Variants in IL34 observed in about 807,000 individuals in gnomAD.
The protein encoded by IL34 is interleukin-34.
Under a neutral mutation model 25.3 loss-of-function variants are expected in IL34, and 17 were observed. The observed-to-expected ratio is 0.67, with a 90% CI of 0.46 to 1.01. IL34 has a LOEUF of 1.01. Ranked by LOEUF, IL34 falls within the 50% of genes least tolerant of loss-of-function variation. The pLI, the probability that IL34 is intolerant of heterozygous loss-of-function variation, is 0.00. For missense variants in IL34, 368 were observed against 312.9 expected (o/e 1.18, Z -1.33); for synonymous variants, 174 against 140.9 (o/e 1.23, Z -1.66).
chr16:70,609,930 G>A (rs1365460494), intron 1 of IL34, among the ~76,000 whole-genome samples: 1 of 152,196 alleles, frequency 6.6e-6, no homozygotes, highest in Non-Finnish European at 1.5e-5. Flanking sequence ...CAGGCTGGAC[G>A]TGGTGGCTCA....
intron 1 of IL34, among the ~76,000 whole-genome samples, chr16:70,607,348 C>T (rs1364953774): frequency 6.6e-6 from 1 of 152,206 alleles, no homozygotes; most frequent in Non-Finnish European, 1.5e-5. Flanking sequence ...TCGTGATCCG[C>T]CCTCCTCGGC....
intron 1 of IL34, among the ~76,000 whole-genome samples, chr16:70,621,400 G>A (rs551300046): frequency 1.6e-4 from 25 of 152,204 alleles, no homozygotes; most frequent in African/African-American, 6.0e-4. Flanking sequence ...ATTGAAGAGT[G>A]GAAAGAAGAA....
chr16:70,659,709 T>G lies in IL34; in HGVS notation c.494T>G (p.Leu165Arg). Residue 165 changes from leucine (L) to arginine (R), a missense_variant, in exon 5 of 6, where the codon CTG (leucine) becomes CGG (arginine). Physicochemically the swap from Leu to Arg is moderately radical, Grantham distance 102. Transcript: ENST00000288098. ...AAGCTGGTGCGGCCCAAAGCCCTGC[T>G]GGACAACTGCTTCCGGGTCATGGAG... ...NLKLVRPKAL[L>R]DNCFRVMELL... 6.2e-7 allele frequency: 1 copy of G among 1,610,836 alleles called. No homozygotes were observed. The highest frequency in any genetic ancestry group is 8.5e-7 in the Non-Finnish European group (1 of 1,178,588).
At chr16:70,635,610 A>G (rs1378522216) in intron 1 of IL34, among the ~76,000 whole-genome samples, 2 of 152,176 alleles carry the variant, frequency 1.3e-5, no homozygotes, top group African/African-American at 4.8e-5. Flanking sequence ...CCAGTGTTCA[A>G]GGGTCCCATT....
chr16:70,616,861 A>G (rs956861396), intron 1 of IL34, among the ~76,000 whole-genome samples: 1 of 152,216 alleles, frequency 6.6e-6, no homozygotes, highest in African/African-American at 2.4e-5. Flanking sequence ...ATCTGGATGT[A>G]TACGTGCAAG....
intron 1 of IL34, among the ~76,000 whole-genome samples, chr16:70,585,837 GTT>G (rs71151194): frequency 7.6e-6 from 1 of 132,156 alleles, no homozygotes; most frequent in African/African-American, 2.8e-5. Context: ...CAGCCTCCTT[GTT>G]TTTTTTTTTT....
chr16:70,610,903 A>G (rs1296050834), intron 1 of IL34, among the ~76,000 whole-genome samples: 2 of 152,200 alleles, frequency 1.3e-5, no homozygotes, highest in Non-Finnish European at 2.9e-5. Flanking sequence ...TTCTTCTGGA[A>G]ATGAAAAAAC....
chr16:70,652,671 T>C (rs1246720769), intron 1 of IL34, among the ~76,000 whole-genome samples: 2 of 152,176 alleles, frequency 1.3e-5, no homozygotes, highest in African/African-American at 4.8e-5. Flanking sequence ...ATAAAATAAA[T>C]GCTGCTCTGT....
chr16:70,584,746 G>A (rs1478523315), intron 1 of IL34, among the ~76,000 whole-genome samples: 1 of 151,612 alleles, frequency 6.6e-6, no homozygotes, highest in African/African-American at 2.4e-5. Flanking sequence ...TGTCAGCGAA[G>A]CTAGAGTCCA....
At chr16:70,605,916 C>T (rs1289228457) in intron 1 of IL34, among the ~76,000 whole-genome samples, 2 of 150,868 alleles carry the variant, frequency 1.3e-5, no homozygotes, top group Non-Finnish European at 2.9e-5. Flanking sequence ...AGGTGATCCA[C>T]CTGCCTCGGT....
intron 1 of IL34, among the ~76,000 whole-genome samples, chr16:70,619,704 A>G (rs1415657146): frequency 1.3e-5 from 2 of 152,200 alleles, no homozygotes; most frequent in African/African-American, 4.8e-5. Flanking sequence ...AGGGCTTTCG[A>G]GGCGATCGGG....
chr16:70,622,279 A>G (rs1411026435), intron 1 of IL34, among the ~76,000 whole-genome samples: 1 of 152,072 alleles, frequency 6.6e-6, no homozygotes, highest in Non-Finnish European at 1.5e-5. Flanking sequence ...TATTTTAGTT[A>G]TCTGACTCAG....
At chr16:70,633,844 CCT>C (rs1567455178) in intron 1 of IL34, among the ~76,000 whole-genome samples, 1 of 151,878 alleles carries the variant, frequency 6.6e-6, no homozygotes, top group Non-Finnish European at 1.5e-5. Flanking sequence ...TGGTCTTCTC[CCT>C]GAGTCTCTCT....
Position 70,660,231 on chromosome 16 carries a change from C to T in IL34, c.*44C>T, listed in dbSNP as rs781489072. On this transcript the variant is annotated 3_prime_UTR_variant, in exon 6 of 6. Coordinates refer to ENST00000288098, the MANE Select transcript of IL34 (RefSeq NM_001393494.1). Reference sequence around the variant, plus strand: ...GCGGATAGGGGCAGCCAGACCAGCTCCCACAGGAGTTCAACTGGGTCTGAG... The same window carrying T: ...GCGGATAGGGGCAGCCAGACCAGCTTCCACAGGAGTTCAACTGGGTCTGAG... 2 of 1,494,940 alleles carry T rather than the reference C, an allele frequency of 1.3e-6. No individual in the cohort carries two copies. Among genetic ancestry groups the T allele is most frequent in the Admixed American group, 4.6e-5 (2 of 43,888 alleles). The allele number at this position is 1,494,940 out of a possible 1,614,324, so 92.6% of individuals were successfully genotyped here.
At chr16:70,620,725 A>G (rs933332187) in intron 1 of IL34, among the ~76,000 whole-genome samples, 1 of 116,068 alleles carries the variant, frequency 8.6e-6, no homozygotes, top group Non-Finnish European at 1.9e-5. Context: ...AGAATTATTT[A>G]GATTTGCAGG....
chr16:70,630,980 A>G (rs1394307592), intron 1 of IL34, among the ~76,000 whole-genome samples: 4 of 152,160 alleles, frequency 2.6e-5, no homozygotes, highest in African/African-American at 9.7e-5. Flanking sequence ...TCTTCAATAT[A>G]CTGATTTCCT....
At chr16:70,649,487 C>G (rs969215017) in intron 1 of IL34, among the ~76,000 whole-genome samples, 1 of 152,180 alleles carries the variant, frequency 6.6e-6, no homozygotes, top group Non-Finnish European at 1.5e-5. Flanking sequence ...CCCGTCCACC[C>G]CTGTTTTCAC....
chr16:70,647,319 G>A (rs111454530), intron 1 of IL34, among the ~76,000 whole-genome samples: 19 of 152,266 alleles, frequency 1.2e-4, no homozygotes, highest in African/African-American at 4.6e-4. Context: ...CCCAGTCCTG[G>A]GTATGGCCGG....
At chr16:70,657,179 GT>G in intron 4 of IL34, 58 bp downstream of exon 4, 1 of 1,545,402 alleles carries the variant, frequency 6.5e-7, no homozygotes, top group Non-Finnish European at 8.8e-7. Flanking sequence ...GTGTGTACAT[GT>G]GTGTGAGGTG....
Sources: allele counts gnomAD v4.1 joint callset (sites outside exome capture counted in the v4.1 genomes callset), GRCh38; gene constraint gnomAD v4.1.1; transcripts MANE v1.5; gene names NCBI Gene and HGNC (gene_info 2026-07-23, HGNC 2026-07-21).